Variants in MAP1LC3B observed in about 807,000 individuals in gnomAD.
The protein encoded by MAP1LC3B is microtubule associated protein 1 light chain 3 beta.
A neutral mutation model predicts 16.7 loss-of-function variants in MAP1LC3B; 12 were observed. The ratio of observed to expected loss-of-function variants is 0.72; its 90% confidence interval spans 0.46 to 1.16. The LOEUF (loss-of-function observed/expected upper bound fraction) is 1.16, where lower values mean the gene tolerates loss of function less well. Ranked by LOEUF, MAP1LC3B falls within the 50% of genes most tolerant of loss-of-function variation. The pLI is 0.00. For synonymous variants in MAP1LC3B, 63 were observed against 56.5 expected, an observed-to-expected ratio of 1.11 and a Z score of -0.51; for missense variants, 155 against 159.5, an observed-to-expected ratio of 0.97 and a Z score of 0.15.
intron 2 of MAP1LC3B, 81 bp downstream of exon 2, chr16:87,398,951 T>G: frequency 7.9e-7 from 1 of 1,261,460 alleles, no homozygotes; most frequent in East Asian, 2.3e-5. Context: ...TTGACGGGTT[T>G]TTACAGGAAT....
intron 1 of MAP1LC3B, among the ~76,000 whole-genome samples, chr16:87,398,035 T>G (rs2150711307): frequency 6.6e-6 from 1 of 152,134 alleles, no homozygotes; most frequent in East Asian, 1.9e-4. Context: ...ATTTTTTTTT[T>G]TTTTTGAGAT....
intron 2 of MAP1LC3B, among the ~76,000 whole-genome samples, chr16:87,401,403 C>G (rs989122474): frequency 6.6e-6 from 1 of 152,186 alleles, no homozygotes; most frequent in African/African-American, 2.4e-5. Context: ...GGGTAGATGT[C>G]TAAGCTAGCA....
chr16:87,392,958 C>G (rs970180534), intron 1 of MAP1LC3B: 1 of 152,290 alleles, frequency 6.6e-6, no homozygotes, highest in Non-Finnish European at 1.5e-5. Flanking sequence ...GCTGGTTTTC[C>G]CGTCGAGGGA....
rs922150960 is a variant in MAP1LC3B, at chr16:87,403,985, T to A, written c.*888T>A. 6.6e-6 allele frequency: 1 copy of A among 152,110 alleles called. No individual in the cohort carries two copies. The highest frequency in any genetic ancestry group is 1.5e-5 in the Non-Finnish European group (1 of 68,034). The allele number at this position is 152,110 out of a possible 1,614,324, so 9.4% of individuals were successfully genotyped here. On this transcript the variant is annotated 3_prime_UTR_variant, in exon 4 of 4. Transcript: ENST00000268607. ...TGAAAACATTAACATTCAGACACAC[T>A]CCCTTCTGCCTTCCGGCTTAAAGCT...
intron 1 of MAP1LC3B, chr16:87,393,159 A>G (rs1057221415): frequency 2.6e-5 from 4 of 152,302 alleles, no homozygotes; most frequent in Non-Finnish European, 4.4e-5. Context: ...GGCACCAGGA[A>G]TACCGAATAC....
intron 1 of MAP1LC3B, chr16:87,397,038 G>C (rs116843035): frequency 6.6e-6 from 1 of 151,930 alleles, no homozygotes; most frequent in African/African-American, 2.4e-5. Context: ...ATTGTGGCCA[G>C]GCTAGTCTCA....
At position 87,402,949 on chromosome 16, in the gene MAP1LC3B, A is replaced by C. The variant is rs374049318; in HGVS notation, c.230A>C (p.Gln77Pro). Residue 77 changes from glutamine (Q) to proline (P), a missense_variant, in exon 4 of 4, where the codon CAG (glutamine) becomes CCG (proline). Gln to Pro is a moderately conservative substitution (Grantham distance 76). Coordinates refer to ENST00000268607, the MANE Select transcript of MAP1LC3B (RefSeq NM_022818.5). ...AGGCGCTTACAGCTCAATGCTAATC[A>C]GGCCTTCTTCCTGTTGGTGAACGGA... ...IRRRLQLNAN[Q>P]AFFLLVNGHS... 2 of 1,613,980 alleles carry C rather than the reference A, an allele frequency of 1.2e-6. No homozygotes were observed. The highest frequency in any genetic ancestry group is 1.7e-6 in the Non-Finnish European group (2 of 1,179,866).
intron 2 of MAP1LC3B, 126 bp from the exon 3 acceptor site, chr16:87,402,049 G>T: frequency 1.4e-6 from 1 of 740,216 alleles, no homozygotes. Context: ...GTTAGCCAGG[G>T]TGGTCTCAGT....
At position 87,403,427 on chromosome 16, in the gene MAP1LC3B, C is replaced by A. The variant is rs558567700; in HGVS notation, c.*330C>A. 6 of 199,836 alleles carry A rather than the reference C, an allele frequency of 3.0e-5. No homozygotes were observed. Among genetic ancestry groups the A allele is most frequent in the Admixed American group, 1.1e-4 (2 of 18,468 alleles). 12.4% of individuals were successfully genotyped at this position (199,836 alleles called of 1,614,324 possible). On this transcript the variant is annotated 3_prime_UTR_variant, in exon 4 of 4. Coordinates refer to ENST00000268607, the MANE Select transcript of MAP1LC3B (RefSeq NM_022818.5). ...AATGCTCTTTTCTCACTAATAGGAA[C>A]TTGTAATTCCAGCAGTAATTTAAAG...
chr16:87,393,172 C>G (rs1419972081), intron 1 of MAP1LC3B: 1 of 152,282 alleles, frequency 6.6e-6, no homozygotes, highest in Non-Finnish European at 1.5e-5. Context: ...CCGAATACAT[C>G]CCTTTTCTGC....
chr16:87,402,949 A>G lies in MAP1LC3B; in HGVS notation c.230A>G (p.Gln77Arg), dbSNP rs374049318. The G allele has an allele frequency of 6.8e-6, 11 of 1,613,980 alleles. No homozygotes were observed. Among genetic ancestry groups the G allele is most frequent in the Non-Finnish European group, 9.3e-6 (11 of 1,179,866 alleles). ...IRRRLQLNAN[Q>R]AFFLLVNGHS... ...AGGCGCTTACAGCTCAATGCTAATCAGGCCTTCTTCCTGTTGGTGAACGGA... is the reference window on the plus strand; with the variant it reads ...AGGCGCTTACAGCTCAATGCTAATCGGGCCTTCTTCCTGTTGGTGAACGGA... The change falls in exon 4 of 4, where the codon CAG (glutamine) becomes CGG (arginine). Residue 77 changes from glutamine to arginine, a missense_variant. Coordinates refer to ENST00000268607, the MANE Select transcript of MAP1LC3B (RefSeq NM_022818.5).
intron 2 of MAP1LC3B, chr16:87,399,498 C>G (rs1303070776): frequency 2.5e-6 from 1 of 405,184 alleles, no homozygotes; most frequent in East Asian, 7.2e-5. Context: ...CTATGTAGGT[C>G]TCACACAATA....
At chr16:87,400,761 C>T (rs1240502254) in intron 2 of MAP1LC3B, among the ~76,000 whole-genome samples, 1 of 150,868 alleles carries the variant, frequency 6.6e-6, no homozygotes, top group Non-Finnish European at 1.5e-5. Context: ...GGGCCTGGAA[C>T]GCATAGCCTC....
rs112576703 is a variant in MAP1LC3B at position 87,397,802 on chromosome 16, AT to A, written c.41-1002del. Among the ~76,000 whole-genome samples the A allele has an allele frequency of 6.1e-3, 858 of 141,164 alleles. 11 individuals are homozygous for A. In the East Asian group the frequency reaches 0.066, roughly 11 times the overall value. 92.6% of individuals were successfully genotyped at this position (141,164 alleles called of 152,430 possible). On this transcript the variant is annotated intron_variant, in intron 1 of 3. Coordinates refer to ENST00000268607, the MANE Select transcript of MAP1LC3B (RefSeq NM_022818.5). ...ATAGTAAATCAAGGTTATTTTGCTC[AT>A]TTTTTTTTTTGGAGGTTTTAAATAA... is the stretch of plus-strand genomic sequence containing the variant.
intron 2 of MAP1LC3B, chr16:87,400,131 CGTGTGTGT>C (rs34644441): frequency 0.43 from 58,186 of 136,726 alleles, 13,211 homozygotes; most frequent in Non-Finnish European, 0.51. Context: ...AGTTCAAATA[CGTGTGTGT>C]GTGTGTGTGT....
chr16:87,398,491 A>G (rs998988168), intron 1 of MAP1LC3B, among the ~76,000 whole-genome samples: 1 of 152,234 alleles, frequency 6.6e-6, no homozygotes, highest in African/African-American at 2.4e-5. Flanking sequence ...TGGAGGAAGG[A>G]CTGGGTCTCA....
At chr16:87,399,999 C>T (rs535451170) in intron 2 of MAP1LC3B, 446 of 166,966 alleles carry the variant, frequency 2.7e-3, no homozygotes, top group African/African-American at 1.0e-2. Context: ...GTCTTGATCT[C>T]TTGACCTCAT....
Position 87,402,340 on chromosome 16 carries a change from G to C in MAP1LC3B, c.203+59G>C. The C allele has an allele frequency of 2.7e-6, 4 of 1,464,408 alleles. No homozygotes were observed. The South Asian group carries it at 4.9e-5, about 18-fold the overall frequency. The allele number at this position is 1,464,408 out of a possible 1,614,324, so 90.7% of individuals were successfully genotyped here. ...CTTTGAGTAACTTCTTATTCTTTAT[G>C]AAACTTACAGTTAAATCTTTAGTTC... On this transcript the variant is annotated intron_variant, in intron 3 of 3. Coordinates refer to ENST00000268607, the MANE Select transcript of MAP1LC3B (RefSeq NM_022818.5).
At chr16:87,396,249 G>A (rs1597389019) in intron 1 of MAP1LC3B, among the ~76,000 whole-genome samples, 2 of 151,818 alleles carry the variant, frequency 1.3e-5, no homozygotes, top group African/African-American at 2.4e-5. Flanking sequence ...GCCAAGGTGG[G>A]CGGATCACAA....
Sources: allele counts gnomAD v4.1 joint callset (sites outside exome capture counted in the v4.1 genomes callset), GRCh38; gene constraint gnomAD v4.1.1; transcripts MANE v1.5; gene names NCBI Gene and HGNC (gene_info 2026-07-23, HGNC 2026-07-21).